NOX4: variants seen among roughly 807,000 people sequenced by gnomAD.
NOX4 encodes the protein NADPH oxidase 4, also known as kidney oxidase-1.
A neutral mutation model predicts 87.6 loss-of-function variants in NOX4; 69 were observed. That is an observed-to-expected ratio of 0.79 (90% CI 0.65 to 0.96). The LOEUF (loss-of-function observed/expected upper bound fraction) is 0.96, where lower values mean the gene tolerates loss of function less well. NOX4 is among the 40% of genes least tolerant of loss of function. NOX4 has a pLI of 0.00. For missense variants in NOX4, 680 were observed against 681.5 expected (o/e 1.00, Z 0.02); for synonymous variants, 275 against 238.2 (o/e 1.15, Z -1.42).
At chr11:89,570,125 T>G in the NOX4 span, among the ~76,000 whole-genome samples, 2 of 152,146 alleles carry the variant, frequency 1.3e-5, no homozygotes, top group Non-Finnish European at 2.9e-5. Context: ...AGTGCTGAAC[T>G]GGATAAAGGA....
At chr11:89,489,338 T>C (rs2135494050) in intron 2 of NOX4, among the ~76,000 whole-genome samples, 1 of 152,258 alleles carries the variant, frequency 6.6e-6, no homozygotes, top group South Asian at 2.1e-4. Context: ...AAAATGTGTT[T>C]TTTTCTGCAC....
intron 8 of NOX4, among the ~76,000 whole-genome samples, chr11:89,404,314 C>T (rs1366483885): frequency 6.6e-6 from 1 of 152,108 alleles, no homozygotes; most frequent in East Asian, 1.9e-4. Flanking sequence ...AGCATTTATT[C>T]TACTGGCCAA....
chr11:89,495,592 G>T (rs1946939729), upstream of NOX4, among the ~76,000 whole-genome samples: 1 of 152,082 alleles, frequency 6.6e-6, no homozygotes, highest in Non-Finnish European at 1.5e-5. Context: ...ATTAGGATAT[G>T]TTATCTTTAG....
intron 2 of NOX4, among the ~76,000 whole-genome samples, chr11:89,463,838 CTCAA>C (rs1945569714): frequency 6.6e-6 from 1 of 151,922 alleles, no homozygotes; most frequent in Non-Finnish European, 1.5e-5. Flanking sequence ...GATTTTCTAT[CTCAA>C]TCAGTGAAAT....
upstream of NOX4, among the ~76,000 whole-genome samples, chr11:89,500,834 T>C (rs1438109696): frequency 6.6e-6 from 1 of 152,122 alleles, no homozygotes; most frequent in Non-Finnish European, 1.5e-5. Context: ...AACTGCTTTA[T>C]TCAAGGCACC....
the NOX4 span, among the ~76,000 whole-genome samples, chr11:89,574,721 T>A: frequency 2.0e-5 from 3 of 152,330 alleles, no homozygotes; most frequent in South Asian, 4.1e-4. Context: ...TTAAACAAAT[T>A]ATTCACTTTA....
chr11:89,368,346 C>T (rs1201921087), intron 12 of NOX4, among the ~76,000 whole-genome samples: 1 of 152,018 alleles, frequency 6.6e-6, no homozygotes, highest in African/African-American at 2.4e-5. Context: ...TGTTAGAGAG[C>T]TGCTATAACA....
intron 12 of NOX4, among the ~76,000 whole-genome samples, chr11:89,362,477 C>G (rs551652177): frequency 1.3e-5 from 2 of 152,164 alleles, no homozygotes; most frequent in Admixed American, 1.3e-4. Context: ...TTGACTCTAT[C>G]AGTTAAGTAT....
chr11:89,542,852 G>A, the NOX4 span, among the ~76,000 whole-genome samples: 5 of 152,006 alleles, frequency 3.3e-5, no homozygotes, highest in Admixed American at 6.6e-5. Context: ...AGCAAGAGAC[G>A]CACTCCAACA....
At chr11:89,353,613 T>C (rs2134969942) in intron 13 of NOX4, among the ~76,000 whole-genome samples, 1 of 152,310 alleles carries the variant, frequency 6.6e-6, no homozygotes, top group Non-Finnish European at 1.5e-5. Context: ...TATTGCAGTA[T>C]TGACTTTATT....
chr11:89,533,418 CA>C, the NOX4 span, among the ~76,000 whole-genome samples: 4 of 151,392 alleles, frequency 2.6e-5, no homozygotes, highest in African/African-American at 9.7e-5. Context: ...CACAGCAATA[CA>C]ACAGCACAAG....
intron 17 of NOX4, among the ~76,000 whole-genome samples, chr11:89,332,411 T>C (rs780440222): frequency 3.3e-5 from 5 of 151,812 alleles, no homozygotes; most frequent in Admixed American, 6.6e-5. Flanking sequence ...TGAATAAACT[T>C]CACAGCTCAA....
intron 7 of NOX4, among the ~76,000 whole-genome samples, chr11:89,427,019 C>T (rs955343968): frequency 4.6e-5 from 7 of 152,134 alleles, no homozygotes; most frequent in African/African-American, 1.7e-4. Flanking sequence ...CCCTCTGAGA[C>T]AAAGCTTCCA....
chr11:89,502,876 C>T (rs1274720894), upstream of NOX4, among the ~76,000 whole-genome samples: 2 of 151,968 alleles, frequency 1.3e-5, no homozygotes, highest in East Asian at 3.9e-4. Context: ...ATGAAAATAG[C>T]AAAATAAGAA....
chr11:89,477,040 A>G (rs569461675), intron 2 of NOX4, among the ~76,000 whole-genome samples: 1 of 152,184 alleles, frequency 6.6e-6, no homozygotes, highest in South Asian at 2.1e-4. Flanking sequence ...GGGGAAGACA[A>G]TTTTTCCAGA....
chr11:89,522,081 T>C, the NOX4 span, among the ~76,000 whole-genome samples: 1 of 152,182 alleles, frequency 6.6e-6, no homozygotes, highest in Non-Finnish European at 1.5e-5. Context: ...CTGGAGGGAA[T>C]GTCAATTTGT....
At chr11:89,422,407 G>T (rs1474413912) in intron 7 of NOX4, among the ~76,000 whole-genome samples, 1 of 152,058 alleles carries the variant, frequency 6.6e-6, no homozygotes, top group African/African-American at 2.4e-5. Flanking sequence ...AACTCAAAAA[G>T]AGATAAATGA....
chr11:89,434,518 A>T (rs532960362), intron 6 of NOX4, among the ~76,000 whole-genome samples: 2 of 152,154 alleles, frequency 1.3e-5, no homozygotes, highest in East Asian at 3.9e-4. Context: ...TAACTAGTCT[A>T]GTTCACTCTA....
chr11:89,376,305 A>G (rs190981262), intron 11 of NOX4, among the ~76,000 whole-genome samples: 1 of 152,340 alleles, frequency 6.6e-6, no homozygotes, highest in African/African-American at 2.4e-5. Flanking sequence ...AATTCAGTAT[A>G]TGTGGTTTGA....
Sources: gnomAD v4.1 joint callset for allele counts (sites outside exome capture counted in the v4.1 genomes callset) on GRCh38, gnomAD v4.1.1 for gene constraint, MANE v1.5 for transcripts, NCBI Gene and HGNC (gene_info 2026-07-23, HGNC 2026-07-21) for gene names.